FOXP1: variants seen among roughly 807,000 people sequenced by gnomAD.
The protein encoded by FOXP1 is forkhead box P1.
FOXP1 carries 15 observed loss-of-function variants against 98.2 expected under a neutral mutation model. The ratio of observed to expected loss-of-function variants is 0.15; its 90% confidence interval spans 0.10 to 0.24. FOXP1 has a LOEUF of 0.24. Among genes scored for constraint, FOXP1 ranks in the 10% least tolerant of loss-of-function variants. FOXP1 has a pLI of 1.00. For missense variants in FOXP1, 633 were observed against 848.5 expected (o/e 0.75, Z 3.15); for synonymous variants, 371 against 314.5 (o/e 1.18, Z -1.90).
intron 4 of FOXP1, chr3:71,335,365 T>C (rs1292332434): frequency 6.6e-6 from 1 of 152,116 alleles, no homozygotes; most frequent in African/African-American, 2.4e-5. Context: ...TAATCATAAC[T>C]GGTAGTGGAA....
intron 6 of FOXP1, among the ~76,000 whole-genome samples, chr3:71,117,554 G>A (rs2058462442): frequency 6.6e-6 from 1 of 152,106 alleles, no homozygotes; most frequent in Non-Finnish European, 1.5e-5. Flanking sequence ...GTATGGGAGA[G>A]GGAGAGAGAA....
intron 5 of FOXP1, among the ~76,000 whole-genome samples, chr3:71,237,024 G>T (rs2066844208): frequency 6.6e-6 from 1 of 151,234 alleles, no homozygotes; most frequent in African/African-American, 2.4e-5. Context: ...ACGAGGTCAG[G>T]AGTTTGAGAC....
At chr3:71,218,753 CA>C (rs2065132089) in intron 5 of FOXP1, among the ~76,000 whole-genome samples, 1 of 152,192 alleles carries the variant, frequency 6.6e-6, no homozygotes, top group South Asian at 2.1e-4. Context: ...AAACAGGCGA[CA>C]GCTGGATTCA....
intron 11 of FOXP1, among the ~76,000 whole-genome samples, chr3:71,035,637 C>T (rs772888212): frequency 6.6e-6 from 1 of 152,144 alleles, no homozygotes; most frequent in Non-Finnish European, 1.5e-5. Context: ...TAGCAGTTAA[C>T]AATTTTGAAG....
chr3:71,143,525 A>G (rs907051889), intron 6 of FOXP1, among the ~76,000 whole-genome samples: 7 of 152,210 alleles, frequency 4.6e-5, no homozygotes, highest in African/African-American at 1.7e-4. Context: ...ACTGCACCAC[A>G]GTTTCCTCAT....
In FOXP1 at chr3:70,977,626, CTG is replaced by C. The variant is rs1289574279; in HGVS notation, c.1428+15_1428+16del. 3.8e-6 allele frequency: 6 copies of C among 1,579,712 alleles called. No homozygotes were observed. Among genetic ancestry groups the C allele is most frequent in the Non-Finnish European group, 5.2e-6 (6 of 1,149,528 alleles). On this transcript the variant is annotated intron_variant, in intron 16 of 20. Transcript: ENST00000649528. ...ATACCTTCTGACAGAATTTCATATACTGTGTTATTTACTTACCTGCCTAATTA... is the reference window on the plus strand; with the variant it reads ...ATACCTTCTGACAGAATTTCATATACTGTTATTTACTTACCTGCCTAATTA...
chr3:71,277,562 G>A (rs2071045596), intron 5 of FOXP1, among the ~76,000 whole-genome samples: 1 of 151,982 alleles, frequency 6.6e-6, no homozygotes, highest in African/African-American at 2.4e-5. Flanking sequence ...ACATGCATCA[G>A]TCTGATGACT....
In FOXP1 at chr3:70,955,746, T is replaced by A; in HGVS notation, c.*3501A>T. ...TTTTTTCTTTTCAAATGTATGAACT[T>A]GTTTAAGATAGCCAGGAAGGCAGTG... On this transcript the variant is annotated 3_prime_UTR_variant, in exon 21 of 21. Coordinates refer to ENST00000649528, the MANE Select transcript of FOXP1 (RefSeq NM_001349338.3). 1 of 233,550 alleles carries A rather than the reference T, an allele frequency of 4.3e-6. No individual in the cohort carries two copies. The highest frequency in any genetic ancestry group is 8.5e-6 in the Non-Finnish European group (1 of 118,030). The allele number at this position is 233,550 out of a possible 1,614,324, so 14.5% of individuals were successfully genotyped here. A position where few individuals can be genotyped will look rare whatever the true frequency, so the allele number is the denominator to read the frequency against.
chr3:71,053,192 G>A (rs900915301), intron 8 of FOXP1, among the ~76,000 whole-genome samples: 31 of 152,130 alleles, frequency 2.0e-4, no homozygotes, highest in Admixed American at 2.0e-3. Context: ...ATCAACTCTG[G>A]ACCTTAAAAT....
chr3:71,029,741 C>A (rs767663705), intron 11 of FOXP1, among the ~76,000 whole-genome samples: 5 of 152,076 alleles, frequency 3.3e-5, no homozygotes, highest in Non-Finnish European at 5.9e-5. Context: ...ACTTCTATCA[C>A]CATAGTTATT....
At chr3:71,055,764 A>C (rs749185071) in intron 7 of FOXP1, among the ~76,000 whole-genome samples, 77 of 152,210 alleles carry the variant, frequency 5.1e-4, no homozygotes, top group Admixed American at 1.8e-3. Context: ...TTTCCTTGAG[A>C]GTTGCATCAT....
intron 6 of FOXP1, among the ~76,000 whole-genome samples, chr3:71,184,110 C>T (rs1461197413): frequency 1.3e-5 from 2 of 152,172 alleles, no homozygotes; most frequent in African/African-American, 4.8e-5. Context: ...TGAGATCACG[C>T]CATTGCACTC....
At chr3:71,074,221 C>G (rs2053568629) in intron 7 of FOXP1, among the ~76,000 whole-genome samples, 1 of 152,070 alleles carries the variant, frequency 6.6e-6, no homozygotes, top group South Asian at 2.1e-4. Flanking sequence ...GCTCTAAGAG[C>G]TTACATTATT....
chr3:71,074,311 T>A (rs1351395458), intron 7 of FOXP1, among the ~76,000 whole-genome samples: 2 of 152,134 alleles, frequency 1.3e-5, no homozygotes, highest in African/African-American at 4.8e-5. Flanking sequence ...CACTGCAACT[T>A]CTGCCTCCGG....
At chr3:71,444,370 A>ATT (rs397947125) in intron 3 of FOXP1, among the ~76,000 whole-genome samples, 91 of 143,024 alleles carry the variant, frequency 6.4e-4, no homozygotes, top group African/African-American at 2.1e-3. Flanking sequence ...ACAATCAAGG[A>ATT]TTTTTTTTTT....
chr3:71,397,287 G>A (rs2081600400), intron 3 of FOXP1, among the ~76,000 whole-genome samples: 2 of 151,516 alleles, frequency 1.3e-5, no homozygotes, highest in Non-Finnish European at 2.9e-5. Context: ...GATCTAACTG[G>A]ATTCCAAAGT....
intron 4 of FOXP1, among the ~76,000 whole-genome samples, chr3:71,312,386 A>G (rs949124335): frequency 1.3e-5 from 2 of 152,212 alleles, no homozygotes; most frequent in African/African-American, 4.8e-5. Context: ...TAAGTTTCTG[A>G]AAAGAGTACT....
At chr3:71,393,027 GC>G (rs1202424896) in intron 3 of FOXP1, among the ~76,000 whole-genome samples, 2 of 152,034 alleles carry the variant, frequency 1.3e-5, no homozygotes, top group African/African-American at 4.8e-5. Context: ...GAAGAAATGG[GC>G]TATTTTATTG....
At chr3:70,980,103 C>T (rs1242507883) in intron 14 of FOXP1, among the ~76,000 whole-genome samples, 1 of 152,064 alleles carries the variant, frequency 6.6e-6, no homozygotes, top group African/African-American at 2.4e-5. Context: ...ATGTTGGAAA[C>T]CTGGCTTTCT....
Sources: allele counts gnomAD v4.1 joint callset (sites outside exome capture counted in the v4.1 genomes callset), GRCh38; gene constraint gnomAD v4.1.1; transcripts MANE v1.5; gene names NCBI Gene and HGNC (gene_info 2026-07-23, HGNC 2026-07-21).